Variants in CLRN1 observed in about 807,000 individuals in gnomAD.
CLRN1 encodes the protein clarin 1.
Under a neutral mutation model 18.7 loss-of-function variants are expected in CLRN1, and 15 were observed. The ratio of observed to expected loss-of-function variants is 0.80; its 90% confidence interval spans 0.54 to 1.23. CLRN1 has a LOEUF of 1.23. Among genes scored for constraint, CLRN1 ranks in the 50% most tolerant of loss-of-function variants. The pLI, the probability that CLRN1 is intolerant of heterozygous loss-of-function variation, is 0.00. For missense variants in CLRN1, 311 were observed against 277.5 expected (o/e 1.12, Z -0.86); for synonymous variants, 104 against 102.9 (o/e 1.01, Z -0.07).
At position 150,941,689 on chromosome 3, in the gene CLRN1, A is replaced by T. The variant is rs1037268706; in HGVS notation, c.326T>A (p.Ile109Asn). 6.2e-7 allele frequency: 1 copy of T among 1,613,954 alleles called. No individual in the cohort carries two copies. Among genetic ancestry groups the T allele is most frequent in the African/African-American group, 1.3e-5 (1 of 74,936 alleles). The part of the protein sequence containing the change: ...VNVILFSAIL[I>N]VLTMVGTAFF... ...GGCTGTCCCCACCATGGTTAACACA[A>T]TAAGGATGGCAGAGAAGAGAATGAC... The change falls in exon 2 of 3, where the codon ATT becomes AAT. Residue 109 changes from isoleucine (I) to asparagine (N), a missense_variant. Physicochemically the swap from Ile to Asn is moderately radical, Grantham distance 149 (BLOSUM62 -3). Coordinates refer to ENST00000327047, the MANE Select transcript of CLRN1 (RefSeq NM_174878.3).
At chr3:150,938,396 G>A (rs1713616136) in intron 2 of CLRN1, among the ~76,000 whole-genome samples, 1 of 152,052 alleles carries the variant, frequency 6.6e-6, no homozygotes, top group Non-Finnish European at 1.5e-5. Context: ...TTACACAATT[G>A]GGTCTTAGAG....
rs1214727399 is a variant in CLRN1, at chr3:150,927,563, AGAT to A, written c.*370_*372del. 6.5e-6 allele frequency: 3 copies of A among 461,378 alleles called. No individual in the cohort carries two copies. In the Admixed American group the frequency reaches 7.1e-5, roughly 11 times the overall value. 28.6% of individuals were successfully genotyped at this position (461,378 alleles called of 1,614,324 possible). On this transcript the variant is annotated 3_prime_UTR_variant, in exon 3 of 3. Coordinates refer to ENST00000327047, the MANE Select transcript of CLRN1 (RefSeq NM_174878.3). ...GGCAACAAATGTGTGGATATATTAG[AGAT>A]ATTATTTGTTTTTATTAAAATATAT... is the stretch of plus-strand genomic sequence containing the variant.
chr3:150,955,270 G>A (rs1358628545), intron 1 of CLRN1, among the ~76,000 whole-genome samples: 2 of 152,176 alleles, frequency 1.3e-5, no homozygotes, highest in Non-Finnish European at 2.9e-5. Context: ...AAAGGGACAG[G>A]GAGAACCCGG....
intron 1 of CLRN1, among the ~76,000 whole-genome samples, chr3:150,967,319 G>T (rs1366633631): frequency 6.6e-6 from 1 of 152,154 alleles, no homozygotes; most frequent in Admixed American, 6.5e-5. Flanking sequence ...CAATTATTTG[G>T]CTGAGAGAAG....
In CLRN1 at chr3:150,967,192, G is replaced by C. The variant is rs537223219; in HGVS notation, c.253+5264C>G. On this transcript the variant is annotated intron_variant, in intron 1 of 2. Coordinates refer to ENST00000327047, the MANE Select transcript of CLRN1 (RefSeq NM_174878.3). ...CTGGGATGAATAATACACAGCTCCT[G>C]CCTTCTTGGGGATTAAGATCTCCTT... Among the ~76,000 whole-genome samples, 3 of 152,232 alleles carry C rather than the reference G, an allele frequency of 2.0e-5. No homozygotes were observed. The East Asian group carries it at 5.8e-4, about 29-fold the overall frequency.
intron 2 of CLRN1, chr3:150,940,439 A>C: frequency 6.6e-7 from 1 of 1,520,114 alleles, no homozygotes; most frequent in Non-Finnish European, 8.8e-7. Context: ...TTGGGGTTGA[A>C]TTGTATGAGA....
intron 1 of CLRN1, among the ~76,000 whole-genome samples, chr3:150,949,668 A>T (rs79190256): frequency 6.6e-6 from 1 of 152,202 alleles, no homozygotes; most frequent in Admixed American, 6.5e-5. Context: ...AATATGAGTT[A>T]CAAAACACTG....
At chr3:150,945,338 A>T (rs1042035127) in intron 1 of CLRN1, among the ~76,000 whole-genome samples, 2 of 152,222 alleles carry the variant, frequency 1.3e-5, no homozygotes, top group East Asian at 3.9e-4. Context: ...TGAGTGAGAC[A>T]GCAGGGAAGC....
chr3:150,949,771 A>G (rs532220254), intron 1 of CLRN1, among the ~76,000 whole-genome samples: 1 of 152,262 alleles, frequency 6.6e-6, no homozygotes, highest in East Asian at 1.9e-4. Context: ...ATTCCTATCA[A>G]ATTACCAACG....
chr3:150,951,348 TA>T (rs1714472292), intron 1 of CLRN1, among the ~76,000 whole-genome samples: 1 of 151,730 alleles, frequency 6.6e-6, no homozygotes, highest in African/African-American at 2.4e-5. Flanking sequence ...AATATATATA[TA>T]TTTTTTGAGA....
At chr3:150,940,060 T>C (rs1194757087) in intron 2 of CLRN1, among the ~76,000 whole-genome samples, 1 of 152,232 alleles carries the variant, frequency 6.6e-6, no homozygotes, top group African/African-American at 2.4e-5. Flanking sequence ...TAACATCTCC[T>C]TTCTAGGCTT....
intron 2 of CLRN1, among the ~76,000 whole-genome samples, chr3:150,930,801 G>C (rs1052048999): frequency 5.9e-5 from 9 of 152,154 alleles, no homozygotes; most frequent in African/African-American, 2.2e-4. Flanking sequence ...TTTTCAAGTT[G>C]TTAAATATTT....
At chr3:150,968,450 C>T (rs1308380611) in intron 1 of CLRN1, among the ~76,000 whole-genome samples, 1 of 152,070 alleles carries the variant, frequency 6.6e-6, no homozygotes, top group East Asian at 1.9e-4. Context: ...GAAAATGAAC[C>T]ACTGACCCAT....
At chr3:150,936,724 T>G (rs1434661325) in intron 2 of CLRN1, among the ~76,000 whole-genome samples, 1 of 152,186 alleles carries the variant, frequency 6.6e-6, no homozygotes, top group African/African-American at 2.4e-5. Flanking sequence ...AGACTTACCA[T>G]GGTTAATGTT....
intron 1 of CLRN1, among the ~76,000 whole-genome samples, chr3:150,965,884 T>C (rs1382872010): frequency 6.6e-6 from 1 of 152,216 alleles, no homozygotes; most frequent in East Asian, 1.9e-4. Flanking sequence ...GGGAAGATAG[T>C]TACTAGGGGA....
rs748342998 is a variant in CLRN1 at position 150,926,704 on chromosome 3, T to C, written c.*1232A>G. On this transcript the variant is annotated 3_prime_UTR_variant, in exon 3 of 3. Coordinates refer to ENST00000327047, the MANE Select transcript of CLRN1 (RefSeq NM_174878.3). ...GGAAACAGTGTTTTATTTTAAGGAG[T>C]ACTTTCAAACCTATTATATGAGGGC... The C allele has an allele frequency of 7.9e-7, 1 of 1,261,218 alleles. No individual in the cohort carries two copies. The highest frequency in any genetic ancestry group is 1.5e-5 in the African/African-American group (1 of 68,124). 78.1% of individuals were successfully genotyped at this position (1,261,218 alleles called of 1,614,324 possible).
At chr3:150,941,796 T>C (rs747332527) in intron 1 of CLRN1, 35 bp from the exon 2 acceptor site, 1 of 1,581,580 alleles carries the variant, frequency 6.3e-7, no homozygotes, top group South Asian at 1.1e-5. Context: ...TAGAAGAAGT[T>C]TCATTAGCAG....
In CLRN1 at chr3:150,972,702, T is replaced by C. The variant is rs751739547; in HGVS notation, c.7A>G (p.Ser3Gly). The C allele has an allele frequency of 6.2e-7, 1 of 1,614,234 alleles. No individual in the cohort carries two copies. Among genetic ancestry groups the C allele is most frequent in the Non-Finnish European group, 8.5e-7 (1 of 1,180,044 alleles). Reference sequence around the variant, plus strand: ...CAAAAAATGATTTTCTTCTGTTGGCTTGGCATGATGAGAAACGGCTTCTGT... The same window carrying C: ...CAAAAAATGATTTTCTTCTGTTGGCCTGGCATGATGAGAAACGGCTTCTGT... MP[S>G]QQKKIIFCMA... Residue 3 changes from serine to glycine, a missense_variant, in exon 1 of 3, where the codon AGC becomes GGC. Transcript: ENST00000327047.
In CLRN1 at chr3:150,960,880, G is replaced by A. The variant is rs538224668; in HGVS notation, c.253+11576C>T. 7.2e-5 allele frequency among the ~76,000 whole-genome samples: 11 copies of A among 152,384 alleles called. No homozygotes were observed. In the South Asian group the frequency reaches 2.3e-3, roughly 32 times the overall value. Reference sequence around the variant, plus strand: ...ACGCAGTCACAGACAGGGCCAGACAGCTGAAGGCCTCCCTGCCAAGGACAG... The same window carrying A: ...ACGCAGTCACAGACAGGGCCAGACAACTGAAGGCCTCCCTGCCAAGGACAG... On this transcript the variant is annotated intron_variant, in intron 1 of 2. Transcript: ENST00000327047.
Sources: gnomAD v4.1 joint callset for allele counts (sites outside exome capture counted in the v4.1 genomes callset) on GRCh38, gnomAD v4.1.1 for gene constraint, MANE v1.5 for transcripts, NCBI Gene and HGNC (gene_info 2026-07-23, HGNC 2026-07-21) for gene names.